RIMS2: variants seen among roughly 807,000 people sequenced by gnomAD.
RIMS2 encodes regulating synaptic membrane exocytosis protein 2.
RIMS2 carries 59 observed loss-of-function variants against 174.4 expected under a neutral mutation model. The ratio of observed to expected loss-of-function variants is 0.34; its 90% CI spans 0.27 to 0.42. The LOEUF (loss-of-function observed/expected upper bound fraction) is 0.42. RIMS2 is among the 10% of genes least tolerant of loss of function. The pLI is 1.00. For missense variants in RIMS2, 1,620 were observed against 1,666.3 expected (o/e 0.97, Z 0.48); for synonymous variants, 606 against 572.5 (o/e 1.06, Z -0.84).
chr8:104,041,374 T>A lies in RIMS2; in HGVS notation c.3334+26759T>A. The stretch of plus-strand genomic sequence containing the variant: ...AGATATGCAGGTCTGTCTCTTCTGC[T>A]TTTTTTGTTATTATTTTATTTATCT... On this transcript the variant is annotated intron_variant, in intron 19 of 23. Coordinates refer to ENST00000504942, the Ensembl canonical transcript of RIMS2. 2 of 683,678 alleles carry A rather than the reference T, an allele frequency of 2.9e-6. No homozygotes were observed. The allele number at this position is 683,678 out of a possible 1,614,324, so 42.4% of individuals were successfully genotyped here.
At chr8:103,960,425 A>G (rs2089605057) in intron 14 of RIMS2, among the ~76,000 whole-genome samples, 1 of 152,196 alleles carries the variant, frequency 6.6e-6, no homozygotes, top group South Asian at 2.1e-4. Flanking sequence ...AACAAAACTC[A>G]CAATTTTGAT....
chr8:103,544,438 G>C (rs967584911), intron 1 of RIMS2, among the ~76,000 whole-genome samples: 8 of 152,238 alleles, frequency 5.3e-5, no homozygotes, highest in Non-Finnish European at 1.2e-4. Context: ...GTCAGTGCCT[G>C]CTAGAGCTTC....
intron 4 of RIMS2, among the ~76,000 whole-genome samples, chr8:103,908,703 A>C (rs984315338): frequency 1.3e-5 from 2 of 152,006 alleles, no homozygotes; most frequent in African/African-American, 4.8e-5. Context: ...TTTTCTTACC[A>C]TGTCTATTGC....
At chr8:103,717,615 T>C (rs376601183) in intron 2 of RIMS2, among the ~76,000 whole-genome samples, 1 of 152,208 alleles carries the variant, frequency 6.6e-6, no homozygotes, top group Admixed American at 6.5e-5. Flanking sequence ...ATCCCAGAAA[T>C]GAGGCACTTG....
chr8:103,666,410 A>G (rs527750616), intron 1 of RIMS2, among the ~76,000 whole-genome samples: 4 of 152,074 alleles, frequency 2.6e-5, no homozygotes, highest in Non-Finnish European at 5.9e-5. Flanking sequence ...GGAGAGGTTG[A>G]CCAAAACTTT....
chr8:103,989,260 T>A (rs779635811), intron 16 of RIMS2, 45 bp from the exon 19 acceptor site: 1 of 1,126,794 alleles, frequency 8.9e-7, no homozygotes, highest in South Asian at 1.3e-5. Flanking sequence ...TTTCTTAGTG[T>A]TTCAAATGGT....
At chr8:103,773,202 A>C (rs2098272716) in intron 3 of RIMS2, among the ~76,000 whole-genome samples, 2 of 152,202 alleles carry the variant, frequency 1.3e-5, no homozygotes, top group African/African-American at 4.8e-5. Context: ...TCATTGAGAC[A>C]CCATTAAGAC....
chr8:103,951,187 T>A (rs1412805480), intron 14 of RIMS2, among the ~76,000 whole-genome samples: 1 of 152,152 alleles, frequency 6.6e-6, no homozygotes, highest in African/African-American at 2.4e-5. Context: ...TGTTTAAAAC[T>A]CTCAATAAAC....
At chr8:103,907,595 T>C (rs1454218347) in intron 4 of RIMS2, among the ~76,000 whole-genome samples, 1 of 152,020 alleles carries the variant, frequency 6.6e-6, no homozygotes, top group African/African-American at 2.4e-5. Flanking sequence ...ACCCTAAATG[T>C]TAGAATTCAG....
intron 4 of RIMS2, among the ~76,000 whole-genome samples, chr8:103,891,523 G>A (rs963183850): frequency 1.6e-4 from 25 of 152,012 alleles, no homozygotes; most frequent in African/African-American, 5.6e-4. Context: ...TTGCCCAACT[G>A]CACAAAAGAT....
chr8:103,700,766 G>A (rs1015996583), intron 2 of RIMS2, among the ~76,000 whole-genome samples: 34 of 151,468 alleles, frequency 2.2e-4, no homozygotes, highest in African/African-American at 8.2e-4. Flanking sequence ...TTTCTCCTTT[G>A]TTGGCTCAAT....
At chr8:103,555,772 G>A (rs1173514405) in intron 1 of RIMS2, among the ~76,000 whole-genome samples, 1 of 147,010 alleles carries the variant, frequency 6.8e-6, no homozygotes, top group African/African-American at 2.6e-5. Flanking sequence ...TGCAGCCTGG[G>A]TGTCAGAGCG....
chr8:103,802,352 G>A (rs1201074579), intron 3 of RIMS2, among the ~76,000 whole-genome samples: 1 of 152,172 alleles, frequency 6.6e-6, no homozygotes, highest in African/African-American at 2.4e-5. Flanking sequence ...ATATGTGAGT[G>A]TGCATAGTGG....
At chr8:103,956,250 C>A (rs753940596) in intron 14 of RIMS2, among the ~76,000 whole-genome samples, 1 of 152,144 alleles carries the variant, frequency 6.6e-6, no homozygotes, top group Non-Finnish European at 1.5e-5. Context: ...GAAAAAACTA[C>A]TTTAAATTTC....
chr8:103,925,716 A>G (rs1427267603), intron 10 of RIMS2, among the ~76,000 whole-genome samples: 3 of 151,576 alleles, frequency 2.0e-5, no homozygotes, highest in Admixed American at 6.6e-5. Flanking sequence ...TGAAATATCC[A>G]TAGAGACAGA....
chr8:103,812,331 GTTTTTTTTTT>G (rs71575985), intron 3 of RIMS2, among the ~76,000 whole-genome samples: 1 of 111,612 alleles, frequency 9.0e-6, no homozygotes, highest in African/African-American at 3.3e-5. Flanking sequence ...TTATTACCTT[GTTTTTTTTTT>G]TTTTTTTTTT....
chr8:104,105,943 G>A lies in RIMS2; in HGVS notation c.3334+91328G>A, dbSNP rs538756277. On this transcript the variant is annotated intron_variant, in intron 19 of 23. Coordinates refer to ENST00000504942, the Ensembl canonical transcript of RIMS2. ...TAGTCCCAGCTACTCGGGAGGCTGA[G>A]GCAGGAGAATCGCTTGAACTGGGAG... Among the ~76,000 whole-genome samples the A allele has an allele frequency of 2.7e-5, 4 of 149,268 alleles. No individual in the cohort carries two copies. In the South Asian group the frequency reaches 8.5e-4, roughly 32 times the overall value.
chr8:103,993,905 G>C (rs72683128), intron 17 of RIMS2, among the ~76,000 whole-genome samples: 2 of 151,676 alleles, frequency 1.3e-5, no homozygotes, highest in Non-Finnish European at 1.5e-5. Context: ...ATTAGCCCAG[G>C]TGTGGTGGTG....
At chr8:104,198,812 C>T (rs2099038799) in intron 19 of RIMS2, among the ~76,000 whole-genome samples, 1 of 152,048 alleles carries the variant, frequency 6.6e-6, no homozygotes, top group Admixed American at 6.6e-5. Context: ...AATTCCACCA[C>T]CATCTTCTTA....
Sources: gnomAD v4.1 joint callset for allele counts (sites outside exome capture counted in the v4.1 genomes callset) on GRCh38, gnomAD v4.1.1 for gene constraint, MANE v1.5 for transcripts, NCBI Gene and HGNC (gene_info 2026-07-23, HGNC 2026-07-21) for gene names.